Variants in ZNF385D observed in about 807,000 individuals in gnomAD.
ZNF385D encodes the protein zinc finger protein 385D, also known as zinc finger protein 659.
A neutral mutation model predicts 35.8 loss-of-function variants in ZNF385D; 15 were observed. That is an observed-to-expected ratio of 0.42 (90% CI 0.28 to 0.64). The LOEUF (loss-of-function observed/expected upper bound fraction) is 0.64. ZNF385D is among the 30% of genes least tolerant of loss of function. ZNF385D has a pLI of 0.23. For synonymous variants in ZNF385D, 212 were observed against 186.8 expected (o/e 1.13, Z -1.10); for missense variants, 474 against 494.6 (o/e 0.96, Z 0.39).
chr3:22,004,275 C>G (rs894051239), intron 3 of ZNF385D, among the ~76,000 whole-genome samples: 2 of 151,944 alleles, frequency 1.3e-5, no homozygotes, highest in African/African-American at 4.8e-5. Context: ...TCAGCATATT[C>G]AAAAAATGAC....
chr3:22,085,631 G>A (rs1212397444), intron 3 of ZNF385D, among the ~76,000 whole-genome samples: 1 of 152,102 alleles, frequency 6.6e-6, no homozygotes, highest in Non-Finnish European at 1.5e-5. Flanking sequence ...ATTCACAGCC[G>A]AATTCTACCA....
In ZNF385D at chr3:21,991,503, A is replaced by G. The variant is rs559367202; in HGVS notation, c.325+177314T>C. ...GTAATTATGCAGCTAAAATAAGAAA[A>G]AACAATTTGGAAGTCATCTTAATAT... On this transcript the variant is annotated intron_variant, in intron 3 of 5. Coordinates refer to the ZNF385D transcript ENST00000494108. Among the ~76,000 whole-genome samples the G allele has an allele frequency of 4.6e-5, 7 of 152,330 alleles. No homozygotes were observed. The South Asian group carries it at 1.0e-3, about 23-fold the overall frequency.
At chr3:21,930,504 T>C (rs917243488) in intron 3 of ZNF385D, among the ~76,000 whole-genome samples, 1 of 152,072 alleles carries the variant, frequency 6.6e-6, no homozygotes, top group African/African-American at 2.4e-5. Context: ...GATAAGTATA[T>C]AGAAATGCAA....
At chr3:21,717,772 G>T (rs564302600) in intron 1 of ZNF385D, among the ~76,000 whole-genome samples, 80 of 152,084 alleles carry the variant, frequency 5.3e-4, no homozygotes, top group Non-Finnish European at 2.4e-4. Flanking sequence ...CCTGTAAAAC[G>T]TGCCTTTCAC....
intron 3 of ZNF385D, among the ~76,000 whole-genome samples, chr3:21,879,976 C>T (rs1392827301): frequency 6.6e-6 from 1 of 151,860 alleles, no homozygotes; most frequent in Non-Finnish European, 1.5e-5. Context: ...AGAGTCTGGC[C>T]ACAATTTGTC....
At chr3:22,226,404 C>T (rs1024070951) in intron 2 of ZNF385D, among the ~76,000 whole-genome samples, 1 of 152,168 alleles carries the variant, frequency 6.6e-6, no homozygotes, top group African/African-American at 2.4e-5. Context: ...GAGAGCTCAG[C>T]AGAAAACAGA....
Position 21,416,326 on chromosome 3 carries a change from G to A in ZNF385D, c.*4888C>T, listed in dbSNP as rs1469260430. 2.9e-4 allele frequency: 2 copies of A among 6,786 alleles called. 1 individual carries two copies. The highest frequency in any genetic ancestry group is 6.1e-4 in the Non-Finnish European group (2 of 3,256). 0.4% of individuals were successfully genotyped at this position (6,786 alleles called of 1,614,324 possible). A position where few individuals can be genotyped will look rare whatever the true frequency, so the allele number is the denominator to read the frequency against. ...ATTACAGGCGTGAGCCACCGCGCCC[G>A]GCCATGAACTTCTAATAAAATAACA... On this transcript the variant is annotated 3_prime_UTR_variant, in exon 8 of 8. Transcript: ENST00000281523.
chr3:22,105,448 G>A (rs867940316), intron 3 of ZNF385D, among the ~76,000 whole-genome samples: 16 of 151,924 alleles, frequency 1.1e-4, no homozygotes, highest in African/African-American at 3.6e-4. Context: ...TATATACAGA[G>A]AGAGAAAGAG....
Position 21,420,125 on chromosome 3 carries a change from C to G in ZNF385D, c.*1089G>C, listed in dbSNP as rs572367904. On this transcript the variant is annotated 3_prime_UTR_variant, in exon 8 of 8. Coordinates refer to ENST00000281523, the MANE Select transcript of ZNF385D (RefSeq NM_024697.3). ...CAGGTAATCTAAAAAACAAGAAAAACCCATAAAAATAGCTAATGCTTAATT... is the reference window on the plus strand; with the variant it reads ...CAGGTAATCTAAAAAACAAGAAAAAGCCATAAAAATAGCTAATGCTTAATT... 6.6e-6 allele frequency: 1 copy of G among 151,884 alleles called. No homozygotes were observed. Among genetic ancestry groups the G allele is most frequent in the Non-Finnish European group, 1.5e-5 (1 of 67,954 alleles). 9.4% of individuals were successfully genotyped at this position (151,884 alleles called of 1,614,324 possible). A position where few individuals can be genotyped will look rare whatever the true frequency, so the allele number is the denominator to read the frequency against.
intron 3 of ZNF385D, among the ~76,000 whole-genome samples, chr3:21,549,265 C>A (rs1424132883): frequency 2.0e-5 from 3 of 152,148 alleles, no homozygotes; most frequent in Admixed American, 2.0e-4. Flanking sequence ...TCGAAGAGTC[C>A]TGAAATGACC....
chr3:22,076,289 C>T (rs893373639), intron 3 of ZNF385D, among the ~76,000 whole-genome samples: 10 of 151,842 alleles, frequency 6.6e-5, no homozygotes, highest in Non-Finnish European at 1.2e-4. Flanking sequence ...TCTATCTGTC[C>T]GACTTCTCAT....
intron 2 of ZNF385D, among the ~76,000 whole-genome samples, chr3:22,277,877 T>C (rs1230828369): frequency 2.0e-5 from 3 of 152,052 alleles, no homozygotes; most frequent in African/African-American, 7.2e-5. Context: ...TGATATGAAT[T>C]AAGGCTTAGT....
chr3:21,570,761 C>A (rs1559417510), intron 2 of ZNF385D, among the ~76,000 whole-genome samples: 1 of 152,054 alleles, frequency 6.6e-6, no homozygotes. Flanking sequence ...TCCCACCATA[C>A]CCCTGTGCGT....
chr3:21,978,153 A>G (rs1703755597), intron 3 of ZNF385D: 3 of 152,214 alleles, frequency 2.0e-5, no homozygotes, highest in African/African-American at 7.2e-5. Context: ...CTCCAGAGGT[A>G]GGATGTCTTT....
At chr3:21,937,399 G>A (rs1701314458) in intron 3 of ZNF385D, among the ~76,000 whole-genome samples, 1 of 152,070 alleles carries the variant, frequency 6.6e-6, no homozygotes, top group Admixed American at 6.6e-5. Context: ...TTGTGCCACT[G>A]TAATTGAGTT....
intron 2 of ZNF385D, among the ~76,000 whole-genome samples, chr3:22,291,768 T>C (rs909925131): frequency 6.6e-6 from 1 of 152,062 alleles, no homozygotes; most frequent in African/African-American, 2.4e-5. Flanking sequence ...TTTACTAATA[T>C]TAAACAAGTT....
chr3:21,534,321 A>G (rs938843906), intron 3 of ZNF385D, among the ~76,000 whole-genome samples: 3 of 152,086 alleles, frequency 2.0e-5, no homozygotes, highest in Non-Finnish European at 2.9e-5. Flanking sequence ...TGATTTACCA[A>G]GTGAAAACCC....
chr3:21,445,126 C>T (rs1311346428), intron 4 of ZNF385D, among the ~76,000 whole-genome samples: 2 of 152,184 alleles, frequency 1.3e-5, no homozygotes, highest in Admixed American at 6.5e-5. Context: ...ATATCTTCAA[C>T]CTCCACATCT....
intron 2 of ZNF385D, among the ~76,000 whole-genome samples, chr3:22,203,154 GA>G (rs1348376620): frequency 6.6e-6 from 1 of 152,088 alleles, no homozygotes; most frequent in Non-Finnish European, 1.5e-5. Context: ...GAGGAGAAGA[GA>G]GGGAAGACAA....
Sources: gnomAD v4.1 joint callset for allele counts (sites outside exome capture counted in the v4.1 genomes callset) on GRCh38, gnomAD v4.1.1 for gene constraint, MANE v1.5 for transcripts, NCBI Gene and HGNC (gene_info 2026-07-23, HGNC 2026-07-21) for gene names.